The following ROS1 variants were observed in gnomAD, a reference collection of about 807,000 sequenced individuals.
ROS1 encodes ROS proto-oncogene 1, receptor tyrosine kinase.
A neutral mutation model predicts 273.5 loss-of-function variants in ROS1; 263 were observed. That is an observed-to-expected ratio of 0.96 (90% confidence interval 0.87 to 1.06). ROS1 has a LOEUF of 1.06. Ranked by LOEUF, ROS1 falls within the 50% of genes least tolerant of loss-of-function variation. ROS1 has a pLI of 0.00. For synonymous variants in ROS1, 1,008 were observed against 954.1 expected (o/e 1.06, Z -1.04); for missense variants, 2,833 against 2,751.1 (o/e 1.03, Z -0.67).
intron 39 of ROS1, among the ~76,000 whole-genome samples, chr6:117,312,092 T>G (rs1775589199): frequency 6.6e-6 from 1 of 152,138 alleles, no homozygotes; most frequent in African/African-American, 2.4e-5. Context: ...AATTTCCTAC[T>G]GTTTCTCCTC....
In ROS1 at chr6:117,397,125, G is replaced by T; in HGVS notation, c.605-9C>A. ...AGGTGCAGTTTCAGGAACTGGAAGA[G>T]ATAATGGTGACATAATGAGCAGAAA... On this transcript the variant is annotated splice_polypyrimidine_tract_variant and intron_variant, in intron 7 of 43. Transcript: ENST00000368507. The T allele has an allele frequency of 1.9e-6, 3 of 1,577,334 alleles. 1 individual carries two copies. The highest frequency in any genetic ancestry group is 3.4e-5 in the Admixed American group (2 of 59,566).
chr6:117,301,439 T>A, intron 42 of ROS1: 1 of 221,706 alleles, frequency 4.5e-6, no homozygotes, highest in Non-Finnish European at 8.8e-6. Flanking sequence ...CTACTCAAGG[T>A]GAAGGTCTCC....
rs1293332031 is a variant in ROS1 at position 117,409,655 on chromosome 6, G to A, written c.256-13C>T. 3.7e-6 allele frequency: 6 copies of A among 1,612,998 alleles called. No individual in the cohort carries two copies. Among genetic ancestry groups the A allele is most frequent in the Middle Eastern group, 3.3e-4 (2 of 6,058 alleles). ...CACACGACTCCCGCTGTGGAAGACA[G>A]GGAGCATGACAGTCAGGGCAGCCTT... On this transcript the variant is annotated splice_polypyrimidine_tract_variant and intron_variant, in intron 4 of 43. Transcript: ENST00000368507.
At chr6:117,357,067 T>A (rs368674714) in intron 25 of ROS1, 152 bp from the exon 26 acceptor site, 26 of 643,010 alleles carry the variant, frequency 4.0e-5, no homozygotes, top group African/African-American at 3.5e-4. Context: ...AACCTTTTTC[T>A]GAGATGGAAG....
intron 43 of ROS1, among the ~76,000 whole-genome samples, chr6:117,298,113 AAC>A (rs932025852): frequency 2.0e-5 from 3 of 152,132 alleles, no homozygotes; most frequent in African/African-American, 7.2e-5. Flanking sequence ...AAACAAGACA[AAC>A]ACAGAAAGAA....
chr6:117,382,056 GAGA>G (rs1772200464), intron 17 of ROS1, among the ~76,000 whole-genome samples: 3 of 152,176 alleles, frequency 2.0e-5, no homozygotes, highest in South Asian at 2.1e-4. Flanking sequence ...CCCTGAGGTG[GAGA>G]AGAAGTTACT....
intron 2 of ROS1, among the ~76,000 whole-genome samples, chr6:117,416,758 G>T (rs1184740647): frequency 6.6e-6 from 1 of 152,134 alleles, no homozygotes. Flanking sequence ...TAAATAGGTA[G>T]ACAGTTTGGG....
intron 43 of ROS1, among the ~76,000 whole-genome samples, chr6:117,297,192 C>A (rs974456967): frequency 1.3e-5 from 2 of 152,042 alleles, no homozygotes; most frequent in Non-Finnish European, 2.9e-5. Flanking sequence ...TGGACCCTTA[C>A]CCTCACCATA....
At chr6:117,327,636 G>A (rs1420181121) in intron 33 of ROS1, among the ~76,000 whole-genome samples, 1 of 152,162 alleles carries the variant, frequency 6.6e-6, no homozygotes, top group African/African-American at 2.4e-5. Context: ...GGAAACTTAA[G>A]TTCAAAAAAG....
At chr6:117,368,589 GGTTA>G (rs1259988110) in intron 18 of ROS1, among the ~76,000 whole-genome samples, 1 of 152,044 alleles carries the variant, frequency 6.6e-6, no homozygotes, top group Non-Finnish European at 1.5e-5. Flanking sequence ...CTTGAAATGT[GGTTA>G]GTATGACCGA....
chr6:117,330,891 A>G (rs1777033567), intron 32 of ROS1, among the ~76,000 whole-genome samples: 2 of 152,086 alleles, frequency 1.3e-5, no homozygotes, highest in South Asian at 4.2e-4. Context: ...AGAAAGAACC[A>G]ATGAAAAAAA....
chr6:117,388,806 G>T (rs1772809143), intron 13 of ROS1, among the ~76,000 whole-genome samples: 1 of 152,190 alleles, frequency 6.6e-6, no homozygotes, highest in Non-Finnish European at 1.5e-5. Flanking sequence ...TCCATTAAAA[G>T]ATATAATAAA....
intron 5 of ROS1, among the ~76,000 whole-genome samples, chr6:117,405,002 AGGT>A (rs1176304374): frequency 6.6e-6 from 1 of 152,232 alleles, no homozygotes; most frequent in Non-Finnish European, 1.5e-5. Context: ...GCAATTTCTC[AGGT>A]GCTGCTTGCC....
At chr6:117,295,058 T>C (rs991676541) in intron 43 of ROS1, among the ~76,000 whole-genome samples, 4 of 152,208 alleles carry the variant, frequency 2.6e-5, no homozygotes, top group African/African-American at 9.6e-5. Context: ...ATTCAAATTA[T>C]ACTACAGACC....
At chr6:117,407,921 C>G (rs541636259) in intron 5 of ROS1, among the ~76,000 whole-genome samples, 13 of 152,172 alleles carry the variant, frequency 8.5e-5, no homozygotes, top group Non-Finnish European at 1.6e-4. Flanking sequence ...ATATCTACAA[C>G]TACCTGATCT....
intron 10 of ROS1, 103 bp from the exon 11 acceptor site, chr6:117,394,449 A>G: frequency 1.2e-6 from 1 of 855,132 alleles, no homozygotes; most frequent in Non-Finnish European, 1.6e-6. Context: ...AAATTAAAAT[A>G]GAAGTATTTT....
intron 43 of ROS1, among the ~76,000 whole-genome samples, chr6:117,289,530 GA>G (rs1271349453): frequency 6.6e-6 from 1 of 152,056 alleles, no homozygotes; most frequent in Non-Finnish European, 1.5e-5. Context: ...TTTAACACCT[GA>G]ACTACAAAGC....
Position 117,404,340 on chromosome 6 carries a change from T to C in ROS1, c.405A>G (p.Gly135=), listed in dbSNP as rs771748858. The C allele has an allele frequency of 3.7e-6, 6 of 1,613,942 alleles. No individual in the cohort carries two copies. The Admixed American group carries it at 8.3e-5, about 22-fold the overall frequency. ...ATTTCCACTGAATGATGTATTTTAC[T>C]CCAGAGAAGTTTGCAGATTTCCATC... ...TLRWKSANFS[G]VKYIIQWKYA... Residue 135 remains glycine (G), a synonymous_variant, in exon 6 of 44, where the codon GGA becomes GGG. Coordinates refer to ENST00000368507, the MANE Select transcript of ROS1 (RefSeq NM_001378902.1).
At chr6:117,347,541 A>AGTATACCTTTTCTTGTATT (rs1168244063) in intron 27 of ROS1, among the ~76,000 whole-genome samples, 3 of 152,074 alleles carry the variant, frequency 2.0e-5, no homozygotes, top group African/African-American at 4.8e-5. Flanking sequence ...ATTCCCAATC[A>AGTATACCTTTTCTTGTATT]GTATACCTTT....
Sources: gnomAD v4.1 joint callset for allele counts (sites outside exome capture counted in the v4.1 genomes callset) on GRCh38, gnomAD v4.1.1 for gene constraint, MANE v1.5 for transcripts, NCBI Gene and HGNC (gene_info 2026-07-23, HGNC 2026-07-21) for gene names.